CNTNAP2: variants seen among roughly 807,000 people sequenced by gnomAD.
CNTNAP2 encodes the protein contactin associated protein 2.
CNTNAP2 carries 98 observed loss-of-function variants against 155.2 expected under a neutral mutation model. The observed-to-expected ratio is 0.63, with a 90% CI of 0.54 to 0.75. The LOEUF is 0.75. Ranked by LOEUF, CNTNAP2 falls within the 30% of genes least tolerant of loss-of-function variation. The pLI, the probability that CNTNAP2 is intolerant of heterozygous loss-of-function variation, is 0.00. For synonymous variants in CNTNAP2, 651 were observed against 631.2 expected, an observed-to-expected ratio of 1.03 and a Z score of -0.47; for missense variants, 1,727 against 1,688.1, an observed-to-expected ratio of 1.02 and a Z score of -0.40.
intron 1 of CNTNAP2, among the ~76,000 whole-genome samples, chr7:146,502,259 A>ATATG: frequency 7.8e-6 from 1 of 128,300 alleles, no homozygotes; most frequent in Non-Finnish European, 1.6e-5. Context: ...ATATATATAT[A>ATATG]TGTCATATTT....
intron 4 of CNTNAP2, among the ~76,000 whole-genome samples, chr7:147,105,202 A>T (rs1800740509): frequency 6.6e-6 from 1 of 151,910 alleles, no homozygotes; most frequent in Non-Finnish European, 1.5e-5. Context: ...TCTTATTCAA[A>T]GTTAGAAAGT....
intron 1 of CNTNAP2, among the ~76,000 whole-genome samples, chr7:146,220,686 T>C (rs1554404209): frequency 6.6e-6 from 1 of 152,198 alleles, no homozygotes. Flanking sequence ...GTATAAAATA[T>C]ATAATATCTG....
At chr7:148,244,023 CTACGTTAAGG>C (rs1288958431) in intron 20 of CNTNAP2, among the ~76,000 whole-genome samples, 2 of 152,160 alleles carry the variant, frequency 1.3e-5, no homozygotes, top group East Asian at 1.9e-4. Context: ...TAAAGTAGAA[CTACGTTAAGG>C]TTTGGGTGTA....
At chr7:147,613,863 G>A (rs78485227) in intron 12 of CNTNAP2, among the ~76,000 whole-genome samples, 1 of 152,022 alleles carries the variant, frequency 6.6e-6, no homozygotes, top group Admixed American at 6.6e-5. Flanking sequence ...AGAAATAATA[G>A]AAATGTTATT....
intron 20 of CNTNAP2, among the ~76,000 whole-genome samples, chr7:148,237,841 T>A (rs1340933196): frequency 1.3e-5 from 2 of 152,198 alleles, no homozygotes; most frequent in Admixed American, 6.5e-5. Context: ...ACTTTCTATA[T>A]GTGGAAAAGT....
intron 13 of CNTNAP2, among the ~76,000 whole-genome samples, chr7:147,732,871 T>C (rs1291453077): frequency 1.3e-5 from 2 of 152,238 alleles, no homozygotes; most frequent in Non-Finnish European, 2.9e-5. Flanking sequence ...GCCCACTTGT[T>C]GATGGGGTTG....
At chr7:146,191,417 G>A (rs1358725875) in intron 1 of CNTNAP2, among the ~76,000 whole-genome samples, 2 of 152,170 alleles carry the variant, frequency 1.3e-5, no homozygotes, top group East Asian at 1.9e-4. Flanking sequence ...TCAGAGGACC[G>A]TGGTGAAATT....
chr7:148,371,365 A>G (rs1202569700), intron 21 of CNTNAP2, among the ~76,000 whole-genome samples: 1 of 152,118 alleles, frequency 6.6e-6, no homozygotes, highest in African/African-American at 2.4e-5. Context: ...GAAATTGGTT[A>G]TTCGTTTCTG....
chr7:148,247,625 C>CTCTT (rs373741779), intron 20 of CNTNAP2, among the ~76,000 whole-genome samples: 2 of 105,314 alleles, frequency 1.9e-5, no homozygotes, highest in Non-Finnish European at 3.6e-5. Context: ...CTCTCTCTCT[C>CTCTT]TATTTATTTA....
intron 1 of CNTNAP2, among the ~76,000 whole-genome samples, chr7:146,607,490 T>C (rs2129153269): frequency 6.6e-6 from 1 of 152,182 alleles, no homozygotes; most frequent in South Asian, 2.1e-4. Flanking sequence ...TTATTATTAT[T>C]TTTTGAGACA....
intron 15 of CNTNAP2, among the ~76,000 whole-genome samples, chr7:148,004,004 T>C (rs1301256542): frequency 6.6e-6 from 1 of 152,214 alleles, no homozygotes; most frequent in Non-Finnish European, 1.5e-5. Context: ...AAAGGATTTA[T>C]GTTAACTTAC....
intron 9 of CNTNAP2, among the ~76,000 whole-genome samples, chr7:147,374,564 T>C (rs1754026674): frequency 6.6e-6 from 1 of 152,088 alleles, no homozygotes; most frequent in Admixed American, 6.6e-5. Context: ...TGTAAAGTGC[T>C]TTGAAGATGT....
At chr7:146,868,824 G>T (rs974211567) in intron 3 of CNTNAP2, among the ~76,000 whole-genome samples, 3 of 152,098 alleles carry the variant, frequency 2.0e-5, no homozygotes, top group Admixed American at 2.0e-4. Flanking sequence ...CTTAGCTGTT[G>T]TTGGTACCCA....
intron 8 of CNTNAP2, among the ~76,000 whole-genome samples, chr7:147,192,946 G>A (rs1409207225): frequency 6.6e-6 from 1 of 152,116 alleles, no homozygotes; most frequent in Non-Finnish European, 1.5e-5. Context: ...AAATTATTTA[G>A]TGAACAGAAT....
chr7:146,663,277 CA>C (rs543257224), intron 1 of CNTNAP2, among the ~76,000 whole-genome samples: 24 of 33,238 alleles, frequency 7.2e-4, no homozygotes, highest in Middle Eastern at 0.04. Context: ...AACTCCATCT[CA>C]AAAAAAAAAA....
intron 1 of CNTNAP2, among the ~76,000 whole-genome samples, chr7:146,395,097 T>G (rs970044022): frequency 6.6e-6 from 1 of 152,232 alleles, no homozygotes; most frequent in Non-Finnish European, 1.5e-5. Flanking sequence ...GAGTAATATT[T>G]CATGATCTAT....
chr7:147,694,326 A>G (rs940528572), intron 13 of CNTNAP2, among the ~76,000 whole-genome samples: 2 of 152,036 alleles, frequency 1.3e-5, no homozygotes, highest in Non-Finnish European at 2.9e-5. Flanking sequence ...CTTTTCTTAT[A>G]ATGTCTTTGT....
chr7:146,160,778 G>A (rs945677602), intron 1 of CNTNAP2, among the ~76,000 whole-genome samples: 4 of 152,270 alleles, frequency 2.6e-5, no homozygotes, highest in African/African-American at 7.2e-5. Flanking sequence ...GAGGTACAAA[G>A]AGGATCTGGT....
At chr7:146,317,567 G>C (rs751259965) in intron 1 of CNTNAP2, among the ~76,000 whole-genome samples, 29 of 152,150 alleles carry the variant, frequency 1.9e-4, no homozygotes, top group Non-Finnish European at 4.0e-4. Context: ...ATACAATTAA[G>C]CTGTTCTGTT....
Sources: gnomAD v4.1 joint callset for allele counts (sites outside exome capture counted in the v4.1 genomes callset) on GRCh38, gnomAD v4.1.1 for gene constraint, MANE v1.5 for transcripts, NCBI Gene and HGNC (gene_info 2026-07-23, HGNC 2026-07-21) for gene names.